Variants in PIP5K1A observed in about 807,000 individuals in gnomAD.
PIP5K1A encodes phosphatidylinositol 4-phosphate 5-kinase type-1 alpha.
PIP5K1A carries 46 observed loss-of-function variants against 72.9 expected under a neutral mutation model. The observed-to-expected ratio is 0.63, with a 90% CI of 0.50 to 0.81. The LOEUF is 0.81. Ranked by LOEUF, PIP5K1A falls within the 30% of genes least tolerant of loss-of-function variation. The pLI is 0.00. For synonymous variants in PIP5K1A, 228 were observed against 255.1 expected (o/e 0.89, Z 1.01); for missense variants, 458 against 706.1 (o/e 0.65, Z 3.98).
At chr1:151,225,783 CTT>C (rs1438226810) in intron 3 of PIP5K1A, among the ~76,000 whole-genome samples, 1 of 143,292 alleles carries the variant, frequency 7.0e-6, no homozygotes, top group Non-Finnish European at 1.5e-5. Flanking sequence ...TTTCTTTTTT[CTT>C]TTTTTTTTTG....
At chr1:151,198,044 T>A, upstream of PIP5K1A, 1 of 470,856 alleles carries the variant, frequency 2.1e-6, no homozygotes. Context: ...CTGAACTCCG[T>A]CACTGTGCAG....
chr1:151,198,057 CCTAA>C (rs775148399), upstream of PIP5K1A: 1 of 470,934 alleles, frequency 2.1e-6, no homozygotes, highest in South Asian at 1.5e-5. Flanking sequence ...CTGTGCAGTG[CCTAA>C]CTTTGTGCTT....
At chr1:151,216,454 CAT>C (rs1428056400) in intron 1 of PIP5K1A, among the ~76,000 whole-genome samples, 2 of 151,994 alleles carry the variant, frequency 1.3e-5, no homozygotes, top group Admixed American at 1.3e-4. Context: ...CGCTGGCTCC[CAT>C]ATCTCACTGC....
Position 151,244,181 on chromosome 1 carries a change from A to G in PIP5K1A, c.1640+1614A>G, listed in dbSNP as rs1281562675. 4.6e-3 allele frequency among the ~76,000 whole-genome samples: 654 copies of G among 142,580 alleles called. 5 individuals carry two copies. Among genetic ancestry groups the G allele is most frequent in the Middle Eastern group, 0.014 (4 of 280 alleles). The allele number at this position is 142,580 out of a possible 152,430, so 93.5% of individuals were successfully genotyped here. Reference sequence around the variant, plus strand: ...AAAGAAAGAAACGAAAAAATACTGAAAAAAAAAAAAAAAGTCGTGAAAATG... The same window carrying G: ...AAAGAAAGAAACGAAAAAATACTGAGAAAAAAAAAAAAAGTCGTGAAAATG... On this transcript the variant is annotated intron_variant, in intron 14 of 15. Coordinates refer to ENST00000368888, the MANE Select transcript of PIP5K1A (RefSeq NM_001135638.2).
intron 6 of PIP5K1A, 88 bp from the exon 7 acceptor site, chr1:151,232,463 T>C: frequency 1.3e-6 from 2 of 1,513,742 alleles, no homozygotes; most frequent in Non-Finnish European, 1.8e-6. Context: ...GGTTTTTATT[T>C]AGAAAAGAAT....
intron 14 of PIP5K1A, among the ~76,000 whole-genome samples, chr1:151,244,936 CTT>C (rs971449862): frequency 1.1e-4 from 14 of 131,062 alleles, no homozygotes; most frequent in Non-Finnish European, 1.3e-4. Flanking sequence ...GCTCAAAAGC[CTT>C]TTTTTTTTTT....
chr1:151,213,235 C>T (rs1298800502), intron 1 of PIP5K1A, among the ~76,000 whole-genome samples: 2 of 151,982 alleles, frequency 1.3e-5, no homozygotes, highest in Non-Finnish European at 2.9e-5. Context: ...GGGTACTGCT[C>T]CTTGTGGAGC....
At chr1:151,211,909 C>T (rs587698860) in intron 1 of PIP5K1A, among the ~76,000 whole-genome samples, 1 of 151,764 alleles carries the variant, frequency 6.6e-6, no homozygotes, top group Non-Finnish European at 1.5e-5. Context: ...CGAGACCATC[C>T]TGGCTAACGT....
At chr1:151,201,337 AT>A (rs990635127) in intron 1 of PIP5K1A, among the ~76,000 whole-genome samples, 7 of 151,344 alleles carry the variant, frequency 4.6e-5, no homozygotes, top group Non-Finnish European at 1.0e-4. Flanking sequence ...AATAATACAG[AT>A]TGTATAAATG....
chr1:151,200,812 G>T (rs1685114587), intron 1 of PIP5K1A, among the ~76,000 whole-genome samples: 2 of 149,452 alleles, frequency 1.3e-5, no homozygotes, highest in Non-Finnish European at 3.0e-5. Flanking sequence ...AAGTGACAGG[G>T]TATTTATTTA....
intron 9 of PIP5K1A, among the ~76,000 whole-genome samples, chr1:151,237,908 T>G (rs1324469617): frequency 6.6e-6 from 1 of 152,126 alleles, no homozygotes; most frequent in Non-Finnish European, 1.5e-5. Flanking sequence ...TAGATTCTCT[T>G]TGGTGGAATC....
At chr1:151,219,629 G>T (rs1688119921) in intron 1 of PIP5K1A, among the ~76,000 whole-genome samples, 1 of 152,020 alleles carries the variant, frequency 6.6e-6, no homozygotes, top group South Asian at 2.1e-4. Context: ...GGGAGGTGGA[G>T]GTTGCGGTGA....
At chr1:151,196,006 T>C (rs1223632343), upstream of PIP5K1A, among the ~76,000 whole-genome samples, 1 of 143,854 alleles carries the variant, frequency 7.0e-6, no homozygotes, top group African/African-American at 2.6e-5. Flanking sequence ...GCCATTCTCC[T>C]GCCTCAGCCT....
At chr1:151,242,337 G>A in intron 13 of PIP5K1A, 68 bp downstream of exon 13, 1 of 1,602,806 alleles carries the variant, frequency 6.2e-7, no homozygotes, top group Non-Finnish European at 8.5e-7. Context: ...CCTTTATCTT[G>A]TCTGGCCAGG....
intron 14 of PIP5K1A, among the ~76,000 whole-genome samples, chr1:151,245,455 ATGTTT>A (rs1381156900): frequency 6.6e-6 from 1 of 151,680 alleles, no homozygotes; most frequent in Admixed American, 6.6e-5. Context: ...GCCACCCCCA[ATGTTT>A]TGTTTTGTTT....
At chr1:151,247,315 C>T (rs967328695) in intron 15 of PIP5K1A, among the ~76,000 whole-genome samples, 3 of 151,214 alleles carry the variant, frequency 2.0e-5, no homozygotes, top group East Asian at 1.9e-4. Context: ...TTTTAGTAGG[C>T]GCAGGGTTTC....
chr1:151,207,352 A>G (rs1686079201), intron 1 of PIP5K1A, among the ~76,000 whole-genome samples: 1 of 152,124 alleles, frequency 6.6e-6, no homozygotes, highest in African/African-American at 2.4e-5. Flanking sequence ...AATTTCAAAG[A>G]ACGTTTTTGT....
chr1:151,238,358 G>A lies in PIP5K1A; in HGVS notation c.1229+93G>A, dbSNP rs587697465. On this transcript the variant is annotated intron_variant, in intron 10 of 15. Transcript: ENST00000368888. ...GATAGGTTTGTTACCAAGTTCTTCC[G>A]GAAGCAAGAACAGTGAGTTGCAGTC... 481 of 846,142 alleles carry A rather than the reference G, an allele frequency of 5.7e-4. 5 individuals carry two copies. Among genetic ancestry groups the A allele is most frequent in the South Asian group, 5.7e-3 (411 of 72,612 alleles). 52.4% of individuals were successfully genotyped at this position (846,142 alleles called of 1,614,324 possible).
chr1:151,215,983 G>T, intron 1 of PIP5K1A: 1 of 1,302,736 alleles, frequency 7.7e-7, no homozygotes, highest in Non-Finnish European at 1.0e-6. Context: ...CTGTGCTGTG[G>T]GGTCAGTGGT....
Sources: allele counts gnomAD v4.1 joint callset (sites outside exome capture counted in the v4.1 genomes callset), GRCh38; gene constraint gnomAD v4.1.1; transcripts MANE v1.5; gene names NCBI Gene and HGNC (gene_info 2026-07-23, HGNC 2026-07-21).